The following MTUS1 variants were observed in gnomAD, a reference collection of about 807,000 sequenced individuals.
MTUS1 encodes the protein microtubule-associated tumor suppressor 1.
Under a neutral mutation model 120.8 loss-of-function variants are expected in MTUS1, and 109 were observed. The observed-to-expected ratio is 0.90, with a 90% CI of 0.77 to 1.06. MTUS1 has a LOEUF of 1.06. Among genes scored for constraint, MTUS1 ranks in the 50% least tolerant of loss-of-function variants. The probability of loss-of-function intolerance (pLI) is 0.00; values close to 1 mark genes in which losing one functional copy is unlikely to be tolerated. For synonymous variants in MTUS1, 737 were observed against 550.5 expected (o/e 1.34, Z -4.74); for missense variants, 2,210 against 1,486.3 (o/e 1.49, Z -8.01).
chr8:17,717,291 G>C (rs1223169368), intron 4 of MTUS1, among the ~76,000 whole-genome samples: 1 of 152,176 alleles, frequency 6.6e-6, no homozygotes, highest in African/African-American at 2.4e-5. Context: ...AGAACCTAGA[G>C]ACTTGGCTTT....
chr8:17,788,272 T>G (rs906366111), intron 1 of MTUS1, among the ~76,000 whole-genome samples: 2 of 152,232 alleles, frequency 1.3e-5, no homozygotes, highest in African/African-American at 2.4e-5. Context: ...TCTCAAAAAT[T>G]GTTTCAAAGA....
chr8:17,700,605 C>G (rs1240376261), intron 6 of MTUS1, among the ~76,000 whole-genome samples: 1 of 151,628 alleles, frequency 6.6e-6, no homozygotes, highest in Non-Finnish European at 1.5e-5. Context: ...TTGGAGCAAA[C>G]ATGCCAGAAT....
chr8:17,752,002 GA>G (rs2048237938), intron 2 of MTUS1, among the ~76,000 whole-genome samples: 1 of 151,638 alleles, frequency 6.6e-6, no homozygotes, highest in South Asian at 2.1e-4. Flanking sequence ...CTAACAGCCA[GA>G]TTCCTGAGGC....
intron 8 of MTUS1, among the ~76,000 whole-genome samples, chr8:17,667,562 G>C (rs1317180344): frequency 6.6e-6 from 1 of 152,148 alleles, no homozygotes; most frequent in Non-Finnish European, 1.5e-5. Context: ...ACTGTTTTTT[G>C]CAAGTTACTT....
rs1436816683 is a variant in MTUS1 at position 17,735,113 on chromosome 8, T to A, written c.2287+8491A>T. On this transcript the variant is annotated intron_variant, in intron 3 of 14. Transcript: ENST00000693296. ...TATCTTTATGTCAGCTCTTTTCTGA[T>A]GGTTTCCTTAGTCTCTACATATTTT... Among the ~76,000 whole-genome samples the A allele has an allele frequency of 2.0e-5, 3 of 152,244 alleles. No individual in the cohort carries two copies. The East Asian group carries it at 5.8e-4, about 30-fold the overall frequency.
chr8:17,713,518 A>AT (rs1821737512), intron 5 of MTUS1, among the ~76,000 whole-genome samples: 1 of 152,144 alleles, frequency 6.6e-6, no homozygotes. Flanking sequence ...AAGCCGCAGT[A>AT]TTTTTTCAGT....
chr8:17,764,989 T>C (rs1193030107), intron 1 of MTUS1, among the ~76,000 whole-genome samples: 13 of 152,186 alleles, frequency 8.5e-5, no homozygotes, highest in Admixed American at 8.5e-4. Context: ...CATCATAACG[T>C]AGAATCAGTG....
chr8:17,707,761 C>T (rs1243385968), intron 6 of MTUS1, among the ~76,000 whole-genome samples: 2 of 152,146 alleles, frequency 1.3e-5, no homozygotes, highest in African/African-American at 2.4e-5. Flanking sequence ...GACAGTGTAG[C>T]ACTGGCAAAG....
intron 1 of MTUS1, among the ~76,000 whole-genome samples, chr8:17,765,087 A>T (rs1038907449): frequency 1.3e-5 from 2 of 152,174 alleles, no homozygotes; most frequent in Non-Finnish European, 2.9e-5. Context: ...TTAGATTCTC[A>T]TAAGTAGCTC....
At chr8:17,797,112 T>A (rs189183116) in intron 1 of MTUS1, among the ~76,000 whole-genome samples, 1 of 152,168 alleles carries the variant, frequency 6.6e-6, no homozygotes, top group Non-Finnish European at 1.5e-5. Context: ...TGAGACTCCA[T>A]CTCAAAATAA....
At chr8:17,744,205 G>A (rs996198830) in intron 2 of MTUS1, among the ~76,000 whole-genome samples, 2 of 152,146 alleles carry the variant, frequency 1.3e-5, no homozygotes, top group African/African-American at 4.8e-5. Context: ...ACATTCTGTA[G>A]AGAATCTTCT....
At chr8:17,649,793 TCA>T in intron 13 of MTUS1, 51 bp downstream of exon 13, 1 of 986,994 alleles carries the variant, frequency 1.0e-6, no homozygotes, top group Non-Finnish European at 1.6e-6. Context: ...GGGCTCAATT[TCA>T]CACATATTAC....
At chr8:17,777,343 G>A (rs1327804177) in intron 1 of MTUS1, among the ~76,000 whole-genome samples, 1 of 151,814 alleles carries the variant, frequency 6.6e-6, no homozygotes, top group Non-Finnish European at 1.5e-5. Context: ...GGAGGCTGAG[G>A]CAAGAGAATC....
intron 2 of MTUS1, among the ~76,000 whole-genome samples, chr8:17,750,846 G>A (rs1003748926): frequency 1.3e-5 from 2 of 152,146 alleles, no homozygotes; most frequent in African/African-American, 4.8e-5. Context: ...AACCTCTGTT[G>A]TGAGGAGCTA....
Position 17,723,759 on chromosome 8 carries a change from A to G in MTUS1, c.2362T>C (p.Ser788Pro). ...LPRPLPKSKA[S>P]LKSPALRRTG... ...CTCCGCAGCGCAGGACTTTTCAAAG[A>G]TGCTTTGGATTTAGGAAGTGGTCTA... Residue 788 changes from serine to proline, a missense_variant, in exon 4 of 15, where the codon TCT (serine) becomes CCT (proline). Coordinates refer to ENST00000693296, the MANE Select transcript of MTUS1 (RefSeq NM_001363059.2). 2 of 1,610,416 alleles carry G rather than the reference A, an allele frequency of 1.2e-6. No individual in the cohort carries two copies. Among genetic ancestry groups the G allele is most frequent in the Non-Finnish European group, 1.7e-6 (2 of 1,177,496 alleles).
rs55896563 is a variant in MTUS1 at position 17,674,934 on chromosome 8, G to T, written c.2905+252C>A. The T allele has an allele frequency of 4.5e-3, 5,646 of 1,265,886 alleles. 166 individuals carry two copies. In the African/African-American group the frequency reaches 0.071, roughly 16 times the overall value. 78.4% of individuals were successfully genotyped at this position (1,265,886 alleles called of 1,614,324 possible). ...AAAAATAACTCTGTCCCTCTCTTCA[G>T]CAAGAGAAATATTTTGCTCATCAGA... On this transcript the variant is annotated intron_variant, in intron 8 of 14. Coordinates refer to ENST00000693296, the MANE Select transcript of MTUS1 (RefSeq NM_001363059.2).
intron 2 of MTUS1, among the ~76,000 whole-genome samples, chr8:17,747,909 G>A (rs1030001949): frequency 5.9e-5 from 9 of 152,164 alleles, no homozygotes; most frequent in African/African-American, 1.9e-4. Context: ...CAGGCAAAGA[G>A]AGCTCATGCA....
At chr8:17,676,372 G>C in intron 7 of MTUS1, 2 of 702,504 alleles carry the variant, frequency 2.8e-6, no homozygotes, top group Non-Finnish European at 5.2e-6. Flanking sequence ...CTCGCACTGT[G>C]CAAGAAGCAT....
chr8:17,768,203 C>G, intron 1 of MTUS1, among the ~76,000 whole-genome samples: 1 of 152,182 alleles, frequency 6.6e-6, no homozygotes, highest in Non-Finnish European at 1.5e-5. Context: ...GAAGGATTTA[C>G]GCTTTGAGTA....
Sources: allele counts gnomAD v4.1 joint callset (sites outside exome capture counted in the v4.1 genomes callset), GRCh38; gene constraint gnomAD v4.1.1; transcripts MANE v1.5; gene names NCBI Gene and HGNC (gene_info 2026-07-23, HGNC 2026-07-21).